RB1CC1: variants seen among roughly 807,000 people sequenced by gnomAD.
RB1CC1 encodes RB1-inducible coiled-coil protein 1.
Under a neutral mutation model 177.5 loss-of-function variants are expected in RB1CC1, and 46 were observed. That is an observed-to-expected ratio of 0.26 (90% CI 0.20 to 0.33). The LOEUF (loss-of-function observed/expected upper bound fraction) is 0.33, where lower values mean the gene tolerates loss of function less well. RB1CC1 is among the 10% of genes least tolerant of loss of function. The probability of loss-of-function intolerance (pLI) is 1.00; values close to 1 mark genes in which losing one functional copy is unlikely to be tolerated. For missense variants in RB1CC1, 1,703 were observed against 1,816.3 expected (o/e 0.94, Z 1.13); for synonymous variants, 666 against 613.6 (o/e 1.09, Z -1.26).
chr8:52,678,141 G>A (rs773893804), intron 5 of RB1CC1, among the ~76,000 whole-genome samples: 8 of 152,134 alleles, frequency 5.3e-5, no homozygotes, highest in South Asian at 2.1e-4. Context: ...AGTATGGGCC[G>A]GGTGCAGTGG....
chr8:52,688,278 G>A (rs1854466066), intron 1 of RB1CC1, among the ~76,000 whole-genome samples: 1 of 152,178 alleles, frequency 6.6e-6, no homozygotes. Context: ...TTTTCTTCTT[G>A]TAGAGAGCCT....
chr8:52,683,443 T>C, intron 5 of RB1CC1, 106 bp downstream of exon 5: 1 of 1,048,564 alleles, frequency 9.5e-7, no homozygotes, highest in Non-Finnish European at 1.3e-6. Flanking sequence ...TTTTAAAGTT[T>C]ATTTGTCAAA....
At chr8:52,684,833 T>C (rs1487460123) in intron 3 of RB1CC1, among the ~76,000 whole-genome samples, 1 of 152,154 alleles carries the variant, frequency 6.6e-6, no homozygotes, top group East Asian at 1.9e-4. Context: ...TCAGTTTGTT[T>C]TGTGTGAGTA....
At position 52,642,398 on chromosome 8, in the gene RB1CC1, A is replaced by G; in HGVS notation, c.4290T>C (p.Asp1430=). 3 of 1,614,056 alleles carry G rather than the reference A, an allele frequency of 1.9e-6. No individual in the cohort carries two copies. Among genetic ancestry groups the G allele is most frequent in the South Asian group, 1.1e-5 (1 of 91,080 alleles). Residue 1430 remains aspartate, a synonymous_variant, in exon 18 of 24, where the codon GAT becomes GAC. Coordinates refer to ENST00000025008, the MANE Select transcript of RB1CC1 (RefSeq NM_014781.5). The part of the protein sequence containing the change: ...ESDRSAVETA[D]EGRVDSAMET... ...CCATTGCTGAATCCACTCTTCCTTCATCTGCTGTTTCCACAGCGGATCTAT... is the reference window on the plus strand; with the variant it reads ...CCATTGCTGAATCCACTCTTCCTTCGTCTGCTGTTTCCACAGCGGATCTAT...
At chr8:52,681,864 AG>A (rs1853765265) in intron 5 of RB1CC1, among the ~76,000 whole-genome samples, 1 of 152,336 alleles carries the variant, frequency 6.6e-6, no homozygotes, top group East Asian at 1.9e-4. Flanking sequence ...CTAGATGCCC[AG>A]GTAAGTTTGC....
Position 52,656,397 on chromosome 8 carries a change from A to G in RB1CC1, c.3432T>C (p.His1144=), listed in dbSNP as rs138885614. 30 of 1,610,776 alleles carry G rather than the reference A, an allele frequency of 1.9e-5. No homozygotes were observed. The highest frequency in any genetic ancestry group is 3.3e-4 in the Middle Eastern group (2 of 6,050). ...CTTTAAGTATATTAGATTCTTCTTC[A>G]TGTCTACTAATTAACTCGGAAATAC... ...DQCISELISR[H]EEESNILKAE... Residue 1144 remains histidine (H), a synonymous_variant, in exon 15 of 24, where the codon CAT becomes CAC. Transcript: ENST00000025008.
intron 1 of RB1CC1, among the ~76,000 whole-genome samples, chr8:52,709,800 G>C (rs1252449542): frequency 6.6e-6 from 1 of 152,182 alleles, no homozygotes; most frequent in African/African-American, 2.4e-5. Flanking sequence ...AGGTGAAAGG[G>C]GGACACCCCA....
At chr8:52,646,136 T>C (rs944602716) in intron 15 of RB1CC1, among the ~76,000 whole-genome samples, 7 of 152,122 alleles carry the variant, frequency 4.6e-5, no homozygotes, top group African/African-American at 1.7e-4. Context: ...TACATAAAAA[T>C]CAAGAGGCTG....
intron 23 of RB1CC1, 109 bp from the exon 24 acceptor site, chr8:52,623,968 A>C: frequency 1.4e-6 from 1 of 727,826 alleles, no homozygotes; most frequent in Non-Finnish European, 2.4e-6. Context: ...AAAATAAATA[A>C]ACCACATCAC....
intron 15 of RB1CC1, among the ~76,000 whole-genome samples, chr8:52,655,121 C>T (rs1850963843): frequency 6.6e-6 from 1 of 152,248 alleles, no homozygotes; most frequent in South Asian, 2.1e-4. Context: ...ACCCTAATTC[C>T]TCTATTAAAC....
chr8:52,641,108 G>A (rs1849532739), intron 18 of RB1CC1, among the ~76,000 whole-genome samples: 2 of 152,044 alleles, frequency 1.3e-5, no homozygotes, highest in Admixed American at 1.3e-4. Context: ...GCCTGGCCGG[G>A]CGCGATGACT....
At chr8:52,707,607 G>A (rs1348263705) in intron 1 of RB1CC1, among the ~76,000 whole-genome samples, 2 of 151,432 alleles carry the variant, frequency 1.3e-5, no homozygotes, top group Non-Finnish European at 2.9e-5. Context: ...ATCTCTATCC[G>A]GCTTCAATCC....
At chr8:52,709,469 T>C (rs190881391) in intron 1 of RB1CC1, among the ~76,000 whole-genome samples, 222 of 152,192 alleles carry the variant, frequency 1.5e-3, no homozygotes, top group Non-Finnish European at 2.4e-3. Context: ...CCAGACACAG[T>C]GGCTCCTGCC....
At chr8:52,673,694 A>T in intron 7 of RB1CC1, 151 bp downstream of exon 7, 1 of 709,490 alleles carries the variant, frequency 1.4e-6, no homozygotes, top group Non-Finnish European at 2.2e-6. Flanking sequence ...ATTATGAATT[A>T]AATTGATTCA....
At chr8:52,696,667 T>G (rs899331175) in intron 1 of RB1CC1, among the ~76,000 whole-genome samples, 1 of 152,000 alleles carries the variant, frequency 6.6e-6, no homozygotes, top group African/African-American at 2.4e-5. Context: ...TGATAAAAAC[T>G]TAAAAAGCAA....
chr8:52,706,457 G>A (rs1431107644), intron 1 of RB1CC1, among the ~76,000 whole-genome samples: 2 of 151,290 alleles, frequency 1.3e-5, no homozygotes, highest in East Asian at 4.0e-4. Context: ...GCTCGTTGTA[G>A]CCTCCGCCTC....
In RB1CC1 at chr8:52,657,358, G is replaced by T; in HGVS notation, c.2471C>A (p.Thr824Lys). The change falls in exon 15 of 24, where the codon ACA becomes AAA. Residue 824 changes from threonine to lysine, a missense_variant. By Grantham distance (78) the Thr-to-Lys change is moderately conservative. Around this residue, in one of 6 missense-constraint regions of RB1CC1, gnomAD observed 1,169 missense variants for 1,184.7 expected, o/e 0.99. Transcript: ENST00000025008. ...GTCACACTGTTCTTTTTGTACAAAT[G>T]TTCTAAAGTGGCAAAGGTCTTCCTT... Reference protein sequence around the residue: ...TIKEDLCHFRTFVQKEQCDFS... With the variant: ...TIKEDLCHFRKFVQKEQCDFS... The T allele has an allele frequency of 6.2e-7, 1 of 1,613,922 alleles. No individual in the cohort carries two copies. Among genetic ancestry groups the T allele is most frequent in the Non-Finnish European group, 8.5e-7 (1 of 1,179,944 alleles).
chr8:52,707,349 T>C (rs994263232), intron 1 of RB1CC1, among the ~76,000 whole-genome samples: 1 of 152,046 alleles, frequency 6.6e-6, no homozygotes, highest in Admixed American at 6.6e-5. Context: ...TTAAATCTAT[T>C]CCCTAATTTA....
intron 18 of RB1CC1, among the ~76,000 whole-genome samples, chr8:52,638,521 T>TA (rs1849324474): frequency 6.6e-6 from 1 of 152,108 alleles, no homozygotes. Flanking sequence ...AAAGAGATTA[T>TA]AAAAAACTGG....
Sources: gnomAD v4.1 joint callset for allele counts (sites outside exome capture counted in the v4.1 genomes callset) on GRCh38, gnomAD v4.1.1 for gene constraint, gnomAD v4.1.1 regional missense constraint, MANE v1.5 for transcripts, NCBI Gene and HGNC (gene_info 2026-07-23, HGNC 2026-07-21) for gene names.